Variants in INPP4B observed in about 807,000 individuals in gnomAD.
INPP4B encodes inositol polyphosphate-4-phosphatase type II B.
In INPP4B, 55 loss-of-function variants were observed where a neutral mutation model predicts 122.5. That is an observed-to-expected ratio of 0.45 (90% CI 0.36 to 0.56). The LOEUF (loss-of-function observed/expected upper bound fraction) is 0.56, where lower values mean the gene tolerates loss of function less well. INPP4B is among the 20% of genes least tolerant of loss of function. The probability of loss-of-function intolerance (pLI) is 0.00; values close to 1 mark genes in which losing one functional copy is unlikely to be tolerated. For synonymous variants in INPP4B, 403 were observed against 388.7 expected (o/e 1.04, Z -0.43); for missense variants, 1,000 against 1,097.7 (o/e 0.91, Z 1.26).
At chr4:142,543,481 G>A (rs1392541057) in intron 2 of INPP4B, among the ~76,000 whole-genome samples, 1 of 152,094 alleles carries the variant, frequency 6.6e-6, no homozygotes, top group African/African-American at 2.4e-5. Context: ...TTTACTTTCT[G>A]ACGGAGCTAA....
chr4:142,559,721 T>C (rs1730026157), intron 2 of INPP4B, among the ~76,000 whole-genome samples: 1 of 152,212 alleles, frequency 6.6e-6, no homozygotes, highest in East Asian at 1.9e-4. Context: ...TTTATGTCAC[T>C]AGTTTAACTA....
intron 3 of INPP4B, among the ~76,000 whole-genome samples, chr4:142,459,450 G>T (rs1468897119): frequency 6.6e-6 from 1 of 152,056 alleles, no homozygotes; most frequent in Admixed American, 6.6e-5. Flanking sequence ...AAACGAAGAA[G>T]AAAGGAAGAA....
At chr4:142,216,729 C>T (rs999993170) in intron 12 of INPP4B, among the ~76,000 whole-genome samples, 1 of 152,022 alleles carries the variant, frequency 6.6e-6, no homozygotes, top group Non-Finnish European at 1.5e-5. Context: ...GAACACCCTA[C>T]TAATTATATG....
intron 2 of INPP4B, among the ~76,000 whole-genome samples, chr4:142,661,442 A>C (rs2150585831): frequency 6.6e-6 from 1 of 152,344 alleles, no homozygotes; most frequent in Non-Finnish European, 1.5e-5. Flanking sequence ...TATATTAAAT[A>C]GGTTCCTGAT....
chr4:142,307,003 CAA>C (rs1258882908), intron 8 of INPP4B, among the ~76,000 whole-genome samples: 3 of 152,152 alleles, frequency 2.0e-5, no homozygotes, highest in Non-Finnish European at 2.9e-5. Flanking sequence ...GGTTTAGACA[CAA>C]AGTCACCAAA....
In INPP4B at chr4:142,270,644, G is replaced by T; in HGVS notation, c.615+19C>A. 7.0e-7 allele frequency: 1 copy of T among 1,429,538 alleles called. No homozygotes were observed. The highest frequency in any genetic ancestry group is 9.9e-7 in the Non-Finnish European group (1 of 1,011,418). The allele number at this position is 1,429,538 out of a possible 1,614,324, so 88.6% of individuals were successfully genotyped here. A position where few individuals can be genotyped will look rare whatever the true frequency, so the allele number is the denominator to read the frequency against. On this transcript the variant is annotated intron_variant, in intron 10 of 25. Transcript: ENST00000262992. ...TCATTTTTAATTTAATTTGTACAAT[G>T]AGCAGACTGAGATCCTACCTTTTGT...
intron 7 of INPP4B, among the ~76,000 whole-genome samples, chr4:142,345,370 A>C (rs1202544616): frequency 6.6e-6 from 1 of 151,996 alleles, no homozygotes; most frequent in Non-Finnish European, 1.5e-5. Flanking sequence ...CCTAATTTAA[A>C]ATTAAGACCA....
intron 2 of INPP4B, among the ~76,000 whole-genome samples, chr4:142,636,888 A>G (rs1749272965): frequency 6.6e-6 from 1 of 152,010 alleles, no homozygotes; most frequent in Admixed American, 6.6e-5. Flanking sequence ...ATTTTATTTT[A>G]TGGCTACAAT....
At chr4:142,328,797 G>A (rs922404762) in intron 7 of INPP4B, among the ~76,000 whole-genome samples, 2 of 152,092 alleles carry the variant, frequency 1.3e-5, no homozygotes, top group African/African-American at 4.8e-5. Flanking sequence ...ATAAACATAT[G>A]CTCTTTGGGA....
At chr4:142,058,504 C>G (rs1199467738) in intron 25 of INPP4B, among the ~76,000 whole-genome samples, 1 of 151,934 alleles carries the variant, frequency 6.6e-6, no homozygotes, top group Non-Finnish European at 1.5e-5. Context: ...TTGTCTATTC[C>G]AAAAGCACAC....
chr4:142,054,352 G>A (rs1023731583), intron 25 of INPP4B, among the ~76,000 whole-genome samples: 1 of 151,368 alleles, frequency 6.6e-6, no homozygotes, highest in East Asian at 1.9e-4. Context: ...TGAGATAATC[G>A]CTGCTGCAAG....
At chr4:142,124,873 A>C (rs1798044726) in intron 18 of INPP4B, 113 bp from the exon 19 acceptor site, 6 of 779,610 alleles carry the variant, frequency 7.7e-6, no homozygotes, top group Non-Finnish European at 1.1e-5. Flanking sequence ...ACATATTCTT[A>C]AGGATTCACA....
At chr4:142,068,399 A>G (rs1040378823) in intron 25 of INPP4B, among the ~76,000 whole-genome samples, 6 of 152,170 alleles carry the variant, frequency 3.9e-5, no homozygotes, top group African/African-American at 1.4e-4. Context: ...AAAGACCATC[A>G]AGGCTAGGAA....
chr4:142,162,492 T>A (rs759484717), intron 16 of INPP4B, among the ~76,000 whole-genome samples: 2 of 151,906 alleles, frequency 1.3e-5, no homozygotes, highest in African/African-American at 2.4e-5. Flanking sequence ...ACTAAACAAT[T>A]TCTCTGTTGA....
chr4:142,181,906 T>C (rs926800071), intron 15 of INPP4B, among the ~76,000 whole-genome samples: 1 of 152,290 alleles, frequency 6.6e-6, no homozygotes, highest in East Asian at 1.9e-4. Flanking sequence ...AATTCACATG[T>C]TTTTTAATAG....
At chr4:142,671,674 A>G (rs1015091672) in intron 2 of INPP4B, among the ~76,000 whole-genome samples, 1 of 152,086 alleles carries the variant, frequency 6.6e-6, no homozygotes, top group African/African-American at 2.4e-5. Context: ...ATAGGTTTAG[A>G]CTTAGTAGGT....
chr4:142,499,830 T>A (rs953474524), intron 2 of INPP4B, among the ~76,000 whole-genome samples: 2 of 152,148 alleles, frequency 1.3e-5, no homozygotes, highest in African/African-American at 4.8e-5. Context: ...ACCTCTTACA[T>A]CTACAAAGAG....
At chr4:142,099,231 C>T (rs190303503) in intron 23 of INPP4B, among the ~76,000 whole-genome samples, 340 of 152,198 alleles carry the variant, frequency 2.2e-3, no homozygotes, top group African/African-American at 8.0e-3. Context: ...CTTTTTGGGA[C>T]ATTTTCAAAC....
At chr4:142,712,619 T>C (rs866282390) in intron 2 of INPP4B, among the ~76,000 whole-genome samples, 1 of 152,236 alleles carries the variant, frequency 6.6e-6, no homozygotes, top group Admixed American at 6.5e-5. Context: ...TATTGTCTCA[T>C]GAATTCTAGC....
Sources: gnomAD v4.1 joint callset for allele counts (sites outside exome capture counted in the v4.1 genomes callset) on GRCh38, gnomAD v4.1.1 for gene constraint, MANE v1.5 for transcripts, NCBI Gene and HGNC (gene_info 2026-07-23, HGNC 2026-07-21) for gene names.